The following ZFR2 variants were observed in gnomAD, a reference collection of about 807,000 sequenced individuals.
ZFR2 encodes the protein zinc finger RNA binding protein 2.
In ZFR2, 104 loss-of-function variants were observed where a neutral mutation model predicts 105.7. That is an observed-to-expected ratio of 0.98 (90% CI 0.84 to 1.16). The LOEUF (loss-of-function observed/expected upper bound fraction) is 1.16, where lower values mean the gene tolerates loss of function less well. Among genes scored for constraint, ZFR2 ranks in the 50% most tolerant of loss-of-function variants. The probability of loss-of-function intolerance (pLI) is 0.00; values close to 1 mark genes in which losing one functional copy is unlikely to be tolerated. For synonymous variants in ZFR2, 634 were observed against 597.7 expected, an observed-to-expected ratio of 1.06 and a Z score of -0.89; for missense variants, 1,425 against 1,355.5, an observed-to-expected ratio of 1.05 and a Z score of -0.80.
rs377283193 is a variant in ZFR2 at position 3,819,015 on chromosome 19, C to T, written c.1931+30G>A. ...GCTGACCTCTGTCCTGGCTGAGAGC[C>T]GGGCCCTGGGGAAGGGGATCTCCAA... On this transcript the variant is annotated intron_variant, in intron 12 of 18. Coordinates refer to ENST00000262961, the MANE Select transcript of ZFR2 (RefSeq NM_015174.2). 21 of 1,603,026 alleles carry T rather than the reference C, an allele frequency of 1.3e-5. 1 individual carries two copies. Among genetic ancestry groups the T allele is most frequent in the African/African-American group, 4.0e-5 (3 of 74,744 alleles).
intron 6 of ZFR2, among the ~76,000 whole-genome samples, chr19:3,825,979 C>T: frequency 6.6e-6 from 1 of 152,240 alleles, no homozygotes; most frequent in South Asian, 2.1e-4. Context: ...CACTTCCCAG[C>T]TCTGTCTCTG....
At chr19:3,853,732 T>C (rs1326364696) in intron 1 of ZFR2, among the ~76,000 whole-genome samples, 1 of 152,100 alleles carries the variant, frequency 6.6e-6, no homozygotes, top group Non-Finnish European at 1.5e-5. Flanking sequence ...CCGATAGGAA[T>C]GTTCTGGAAT....
At chr19:3,849,256 C>A (rs1203756453) in intron 1 of ZFR2, among the ~76,000 whole-genome samples, 2 of 152,172 alleles carry the variant, frequency 1.3e-5, no homozygotes, top group African/African-American at 4.8e-5. Flanking sequence ...GGAGCAGGAA[C>A]CTGTGGGGCT....
Position 3,834,931 on chromosome 19 carries a change from G to A in ZFR2, c.106C>T (p.Gln36Ter). ...LPTVGASYTA[Q>*]PTPGMDPAVN... ...GCAGGGTCCATCCCAGGAGTGGGTT[G>A]TGCAGTATAGCTGGCCCCCACAGTG... Residue 36 changes from glutamine (Q) to a stop codon, truncating the protein, a stop_gained, in exon 2 of 19, where the codon CAA becomes TAA. Coordinates refer to ENST00000262961, the MANE Select transcript of ZFR2 (RefSeq NM_015174.2). LOFTEE classifies it high-confidence loss of function. This position sits in a 1 kb window ranked among gnomAD's most constrained non-coding sequence, Gnocchi z 5.3. 1 of 1,611,754 alleles carries A rather than the reference G, an allele frequency of 6.2e-7. No homozygotes were observed. Among genetic ancestry groups the A allele is most frequent in the Non-Finnish European group, 8.5e-7 (1 of 1,179,122 alleles).
chr19:3,807,970 C>T (rs1027917711), intron 17 of ZFR2, among the ~76,000 whole-genome samples: 4 of 139,880 alleles, frequency 2.9e-5, no homozygotes, highest in African/African-American at 8.2e-5. Context: ...TGTGTGTGCC[C>T]GTGCGTGCTT....
intron 6 of ZFR2, among the ~76,000 whole-genome samples, chr19:3,826,150 T>TC (rs2037947629): frequency 6.6e-6 from 1 of 151,984 alleles, no homozygotes; most frequent in South Asian, 2.1e-4. Context: ...CAAGTCTCCT[T>TC]CCCCCGTTTC....
intron 1 of ZFR2, among the ~76,000 whole-genome samples, chr19:3,868,716 C>A (rs2038463782): frequency 6.6e-6 from 1 of 152,118 alleles, no homozygotes; most frequent in African/African-American, 2.4e-5. Context: ...CTCCCGCTCC[C>A]GCCGACAGAC....
chr19:3,855,464 A>G, intron 1 of ZFR2: 1 of 1,231,592 alleles, frequency 8.1e-7, no homozygotes, highest in Non-Finnish European at 1.0e-6. Flanking sequence ...CATTGGATAA[A>G]TACTTCCTGG....
intron 1 of ZFR2, among the ~76,000 whole-genome samples, chr19:3,859,121 G>A (rs938182115): frequency 3.9e-5 from 6 of 152,186 alleles, no homozygotes; most frequent in Non-Finnish European, 8.8e-5. Context: ...CTAATCAGCT[G>A]CCAGCTCGGC....
At position 3,808,994 on chromosome 19, in the gene ZFR2, C is replaced by CAGA; in HGVS notation, c.2434-14_2434-12dup. 6.5e-7 allele frequency: 1 copy of CAGA among 1,533,398 alleles called. No individual in the cohort carries two copies. Among genetic ancestry groups the CAGA allele is most frequent in the Non-Finnish European group, 8.8e-7 (1 of 1,142,596 alleles). 95.0% of individuals were successfully genotyped at this position (1,533,398 alleles called of 1,614,324 possible). On this transcript the variant is annotated splice_polypyrimidine_tract_variant and intron_variant, in intron 16 of 18. Coordinates refer to ENST00000262961, the MANE Select transcript of ZFR2 (RefSeq NM_015174.2). ...CAGCAGCTCCATGGCCTGGTGGGGA[C>CAGA]AGAAGAGCAGTTGCTGTGTTTTGGG...
intron 1 of ZFR2, among the ~76,000 whole-genome samples, chr19:3,847,125 C>T (rs997789414): frequency 1.3e-5 from 2 of 152,160 alleles, no homozygotes; most frequent in South Asian, 2.1e-4. Flanking sequence ...CACAACATGG[C>T]GGCCAGCTTC....
intron 11 of ZFR2, 38 bp downstream of exon 11, chr19:3,820,144 G>A: frequency 6.5e-7 from 1 of 1,542,806 alleles, no homozygotes; most frequent in South Asian, 1.2e-5. Flanking sequence ...GGGAGTGTGA[G>A]GTCGCCCGCG....
rs772712647 is a variant in ZFR2, at chr19:3,813,344, C to T, written c.2242+476G>A. Among the ~76,000 whole-genome samples, 1 of 152,174 alleles carries T rather than the reference C, an allele frequency of 6.6e-6. No homozygotes were observed. Among genetic ancestry groups the T allele is most frequent in the African/African-American group, 2.4e-5 (1 of 41,440 alleles). ...CTAGCCTGGCCCGGCCCCTCACCCA[C>T]CCTCCCAGGCCTGGCAGGTCTGGCT... is the stretch of plus-strand genomic sequence containing the variant. On this transcript the variant is annotated intron_variant, in intron 14 of 18. Coordinates refer to ENST00000262961, the MANE Select transcript of ZFR2 (RefSeq NM_015174.2). The surrounding 1 kb of genome is among the most constrained non-coding windows in gnomAD (Gnocchi z 4.4).
intron 17 of ZFR2, among the ~76,000 whole-genome samples, chr19:3,808,189 A>C (rs2037723030): frequency 7.4e-6 from 1 of 134,670 alleles, no homozygotes; most frequent in Non-Finnish European, 1.6e-5. Context: ...GTGTGCATGC[A>C]CGTGCCTGTG....
At chr19:3,807,830 ACT>A (rs1453893348) in intron 17 of ZFR2, among the ~76,000 whole-genome samples, 2 of 127,206 alleles carry the variant, frequency 1.6e-5, no homozygotes, top group East Asian at 2.4e-4. Flanking sequence ...CTGTATGTGC[ACT>A]CATTCCATGT....
Position 3,810,792 on chromosome 19 carries a change from G to T in ZFR2, c.2391C>A (p.Asp797Glu). The T allele has an allele frequency of 6.5e-7, 1 of 1,550,304 alleles. No homozygotes were observed. The highest frequency in any genetic ancestry group is 8.7e-7 in the Non-Finnish European group (1 of 1,146,800). Reference protein sequence around the residue: ...PCVIVIRVLRDLCRRVPTWGA... With the variant: ...PCVIVIRVLRELCRRVPTWGA... ...CCCAGGTGGGCACACGCCGGCAGAGGTCCCTCAGGACCCTGATGACGATCA... is the reference window on the plus strand; with the variant it reads ...CCCAGGTGGGCACACGCCGGCAGAGTTCCCTCAGGACCCTGATGACGATCA... Residue 797 changes from aspartate (D) to glutamate (E), a missense_variant, in exon 16 of 19, where the codon GAC becomes GAA. Physicochemically the swap from Asp to Glu is conservative, Grantham distance 45. Transcript: ENST00000262961.
At chr19:3,864,566 T>G (rs746847807) in intron 1 of ZFR2, among the ~76,000 whole-genome samples, 6 of 152,222 alleles carry the variant, frequency 3.9e-5, no homozygotes, top group Non-Finnish European at 7.3e-5. Flanking sequence ...GGCAGAGGCC[T>G]CTGGCCTGTC....
intron 1 of ZFR2, among the ~76,000 whole-genome samples, chr19:3,849,375 C>A (rs572181080): frequency 6.6e-6 from 1 of 152,364 alleles, no homozygotes; most frequent in African/African-American, 2.4e-5. Context: ...GGCTCCATGG[C>A]AGAGATCAGA....
intron 1 of ZFR2, among the ~76,000 whole-genome samples, chr19:3,860,750 C>A (rs1346667238): frequency 6.6e-6 from 1 of 152,186 alleles, no homozygotes; most frequent in Non-Finnish European, 1.5e-5. Flanking sequence ...TACGGCAACA[C>A]CTTTTTACTC....
Sources: allele counts gnomAD v4.1 joint callset (sites outside exome capture counted in the v4.1 genomes callset), GRCh38; gene constraint gnomAD v4.1.1; non-coding constraint Gnocchi (gnomAD v3.1); transcripts MANE v1.5; gene names NCBI Gene and HGNC (gene_info 2026-07-23, HGNC 2026-07-21).